The following NUBPL variants were observed in gnomAD, a reference collection of about 807,000 sequenced individuals.
NUBPL encodes iron-sulfur cluster transfer protein NUBPL.
A neutral mutation model predicts 45.7 loss-of-function variants in NUBPL; 31 were observed. The ratio of observed to expected loss-of-function variants is 0.68; its 90% CI spans 0.51 to 0.92. NUBPL has a LOEUF of 0.92. Ranked by LOEUF, NUBPL falls within the 40% of genes least tolerant of loss-of-function variation. The probability of loss-of-function intolerance (pLI) is 0.00; values close to 1 mark genes in which losing one functional copy is unlikely to be tolerated. For missense variants in NUBPL, 401 were observed against 398.7 expected (o/e 1.01, Z -0.05); for synonymous variants, 144 against 140.9 (o/e 1.02, Z -0.15).
At chr14:31,622,118 T>C (rs1200924208) in intron 4 of NUBPL, among the ~76,000 whole-genome samples, 1 of 152,212 alleles carries the variant, frequency 6.6e-6, no homozygotes, top group Non-Finnish European at 1.5e-5. Context: ...GCAAAGAGAC[T>C]GGTGGCATTT....
At chr14:31,813,210 A>G (rs749369132) in intron 7 of NUBPL, among the ~76,000 whole-genome samples, 1 of 151,782 alleles carries the variant, frequency 6.6e-6, no homozygotes, top group Non-Finnish European at 1.5e-5. Context: ...GATGGTCTCA[A>G]TCTCCTGACC....
chr14:31,650,568 C>T (rs1021025690), intron 4 of NUBPL, among the ~76,000 whole-genome samples: 9 of 152,100 alleles, frequency 5.9e-5, no homozygotes, highest in Admixed American at 2.6e-4. Flanking sequence ...GGATTACAGG[C>T]GTTAGTCACC....
At chr14:31,720,325 C>G (rs1367413841) in intron 6 of NUBPL, among the ~76,000 whole-genome samples, 3 of 152,150 alleles carry the variant, frequency 2.0e-5, no homozygotes, top group Non-Finnish European at 4.4e-5. Context: ...CAATGTATTA[C>G]TCATCTTATG....
intron 8 of NUBPL, among the ~76,000 whole-genome samples, chr14:31,831,262 C>T (rs546743611): frequency 1.3e-5 from 2 of 151,860 alleles, no homozygotes; most frequent in African/African-American, 4.8e-5. Flanking sequence ...AGGCTGGTCT[C>T]AAACTCCTGA....
At chr14:31,837,817 T>C (rs1034423604) in intron 8 of NUBPL, among the ~76,000 whole-genome samples, 1 of 152,156 alleles carries the variant, frequency 6.6e-6, no homozygotes, top group East Asian at 1.9e-4. Flanking sequence ...TTAATAATTA[T>C]GGCAATGCAA....
chr14:31,653,407 G>A (rs2036060854), intron 4 of NUBPL, among the ~76,000 whole-genome samples: 1 of 152,036 alleles, frequency 6.6e-6, no homozygotes, highest in African/African-American at 2.4e-5. Context: ...CCTCCCCCGA[G>A]GAATGCAATT....
Position 31,633,672 on chromosome 14 carries a change from T to C in NUBPL, c.382+34293T>C, listed in dbSNP as rs185071129. Among the ~76,000 whole-genome samples the C allele has an allele frequency of 1.2e-4, 18 of 152,322 alleles. No homozygotes were observed. In the East Asian group the frequency reaches 2.1e-3, roughly 18 times the overall value. On this transcript the variant is annotated intron_variant, in intron 4 of 10. Coordinates refer to ENST00000281081, the MANE Select transcript of NUBPL (RefSeq NM_025152.3). ...GGCATCAACACTGAGGGAGATTTTG[T>C]TGTTCCATGACAGCTCTATTTATTA...
chr14:31,611,917 C>A (rs532640827), intron 4 of NUBPL, among the ~76,000 whole-genome samples: 201 of 152,194 alleles, frequency 1.3e-3, no homozygotes, highest in Non-Finnish European at 2.2e-3. Flanking sequence ...ATGCAAAAAT[C>A]AAATAAAAAT....
intron 6 of NUBPL, among the ~76,000 whole-genome samples, chr14:31,764,851 T>A (rs1411937235): frequency 6.6e-6 from 1 of 152,234 alleles, no homozygotes; most frequent in African/African-American, 2.4e-5. Flanking sequence ...CTGAAGTTGA[T>A]AACATGGGAA....
In NUBPL at chr14:31,643,869, G is replaced by A. The variant is rs150321507; in HGVS notation, c.383-29486G>A. On this transcript the variant is annotated intron_variant, in intron 4 of 10. Transcript: ENST00000281081. ...TTCTGTTTCTCCCTGGTTCAATCTT[G>A]ATAGGTTGTATGTGTCCAGCAATTT... Among the ~76,000 whole-genome samples, 668 of 152,102 alleles carry A rather than the reference G, an allele frequency of 4.4e-3. 4 individuals carry two copies. Among genetic ancestry groups the A allele is most frequent in the African/African-American group, 0.015 (639 of 41,550 alleles).
At chr14:31,771,802 C>T in intron 6 of NUBPL, 1 of 909,480 alleles carries the variant, frequency 1.1e-6, no homozygotes, top group Non-Finnish European at 1.3e-6. Context: ...TACCCCACTT[C>T]TTCCATTTAC....
chr14:31,562,592 CTTTTTTTTTTTGTTTTT>C (rs1248677130), intron 2 of NUBPL, among the ~76,000 whole-genome samples: 3 of 104,406 alleles, frequency 2.9e-5, no homozygotes, highest in Non-Finnish European at 5.7e-5. Context: ...CATCTAGTAA[CTTTTTTTTTTTGTTTTT>C]TTTTTTTTTT....
intron 3 of NUBPL, among the ~76,000 whole-genome samples, chr14:31,584,151 C>CT (rs893085269): frequency 4.8e-4 from 70 of 146,438 alleles, no homozygotes; most frequent in South Asian, 1.1e-3. Flanking sequence ...CAGCAGTTTT[C>CT]TTTTTTTTTT....
intron 7 of NUBPL, among the ~76,000 whole-genome samples, chr14:31,822,183 A>T (rs921817422): frequency 3.9e-5 from 6 of 152,156 alleles, no homozygotes; most frequent in African/African-American, 1.4e-4. Flanking sequence ...AATATCGAAA[A>T]GTTTAATTGT....
At chr14:31,741,027 C>T (rs943783305) in intron 6 of NUBPL, among the ~76,000 whole-genome samples, 6 of 152,084 alleles carry the variant, frequency 3.9e-5, no homozygotes, top group Admixed American at 1.3e-4. Context: ...TTTACTTTGT[C>T]CATTAGAGCC....
At chr14:31,589,501 T>G (rs1164135692) in intron 3 of NUBPL, among the ~76,000 whole-genome samples, 1 of 152,210 alleles carries the variant, frequency 6.6e-6, no homozygotes, top group East Asian at 1.9e-4. Context: ...ATAAGAATAA[T>G]TCAGTGTACA....
intron 3 of NUBPL, among the ~76,000 whole-genome samples, chr14:31,582,257 A>G (rs1461192357): frequency 6.6e-6 from 1 of 152,036 alleles, no homozygotes; most frequent in Admixed American, 6.6e-5. Context: ...ATGTAAATAT[A>G]AAATTAATAG....
intron 6 of NUBPL, among the ~76,000 whole-genome samples, chr14:31,696,486 A>G (rs2037217657): frequency 6.6e-6 from 1 of 152,074 alleles, no homozygotes; most frequent in Non-Finnish European, 1.5e-5. Context: ...CTTCCTTAGA[A>G]CTTTTCAATA....
At chr14:31,668,538 T>C (rs1273349902) in intron 4 of NUBPL, among the ~76,000 whole-genome samples, 3 of 151,688 alleles carry the variant, frequency 2.0e-5, no homozygotes, top group African/African-American at 7.3e-5. Flanking sequence ...GCTCCCTGGG[T>C]TCAGCCCCTT....
Sources: gnomAD v4.1 joint callset for allele counts (sites outside exome capture counted in the v4.1 genomes callset) on GRCh38, gnomAD v4.1.1 for gene constraint, MANE v1.5 for transcripts, NCBI Gene and HGNC (gene_info 2026-07-23, HGNC 2026-07-21) for gene names.